The following WBP4 variants were observed in gnomAD, a reference collection of about 807,000 sequenced individuals.
WBP4 encodes WW domain binding protein 4.
A neutral mutation model predicts 55.4 loss-of-function variants in WBP4; 37 were observed. The ratio of observed to expected loss-of-function variants is 0.67; its 90% CI spans 0.51 to 0.88. WBP4 has a LOEUF of 0.88. Among genes scored for constraint, WBP4 ranks in the 40% least tolerant of loss-of-function variants. WBP4 has a pLI of 0.00. For missense variants in WBP4, 398 were observed against 420.8 expected (o/e 0.95, Z 0.47); for synonymous variants, 142 against 140.2 (o/e 1.01, Z -0.09).
chr13:41,062,289 G>T (rs895621214), intron 1 of WBP4: 2 of 984,814 alleles, frequency 2.0e-6, no homozygotes, highest in East Asian at 1.1e-4. Context: ...CAAACTTTAT[G>T]AGTTTCTTCA....
intron 9 of WBP4, among the ~76,000 whole-genome samples, chr13:41,081,983 A>C (rs1472205883): frequency 6.6e-6 from 1 of 152,128 alleles, no homozygotes; most frequent in Admixed American, 6.6e-5. Context: ...GATGTGACTA[A>C]TTTACTCTTT....
At chr13:41,063,841 C>G (rs1593423932) in intron 2 of WBP4, among the ~76,000 whole-genome samples, 1 of 152,112 alleles carries the variant, frequency 6.6e-6, no homozygotes, top group East Asian at 1.9e-4. Context: ...CAAAGTCACA[C>G]TTTAAAGATG....
At chr13:41,082,010 A>G (rs1451704456) in intron 9 of WBP4, among the ~76,000 whole-genome samples, 2 of 152,142 alleles carry the variant, frequency 1.3e-5, no homozygotes, top group African/African-American at 2.4e-5. Context: ...CCAGTTGACT[A>G]TCTAGGGAGT....
chr13:41,061,976 C>CG, intron 1 of WBP4: 1 of 915,424 alleles, frequency 1.1e-6, no homozygotes, highest in Non-Finnish European at 1.3e-6. Flanking sequence ...ACGACGCTGT[C>CG]GGGGGTCGCA....
At position 41,062,737 on chromosome 13, in the gene WBP4, G is replaced by A. The variant is rs770775567; in HGVS notation, c.75+21G>A. 13 of 1,592,476 alleles carry A rather than the reference G, an allele frequency of 8.2e-6. No individual in the cohort carries two copies. The East Asian group carries it at 2.9e-4, about 36-fold the overall frequency. ...GGCCTGTATGATAATTCCGCTGTTA[G>A]AGATTCTAATAATAATTGTGTTGAA... On this transcript the variant is annotated intron_variant, in intron 2 of 9. Transcript: ENST00000379487.
In WBP4 at chr13:41,083,187, T is replaced by C. The variant is rs538804739; in HGVS notation, c.*273T>C. The C allele has an allele frequency of 2.7e-5, 8 of 298,832 alleles. No individual in the cohort carries two copies. Among genetic ancestry groups the C allele is most frequent in the East Asian group, 6.2e-5 (1 of 16,122 alleles). The allele number at this position is 298,832 out of a possible 1,614,324, so 18.5% of individuals were successfully genotyped here. ...AATTTAAGATGCTATGTATCTGTTA[T>C]TTAAAACATGGAGAAACAGGGCCTT... On this transcript the variant is annotated 3_prime_UTR_variant, in exon 10 of 10. Transcript: ENST00000379487.
At chr13:41,075,399 T>G (rs1878435988) in intron 7 of WBP4, among the ~76,000 whole-genome samples, 1 of 152,186 alleles carries the variant, frequency 6.6e-6, no homozygotes, top group Non-Finnish European at 1.5e-5. Context: ...TTTTTTAAAT[T>G]GAGACAAGGT....
intron 8 of WBP4, 127 bp from the exon 9 acceptor site, chr13:41,080,519 A>G: frequency 1.5e-6 from 1 of 684,472 alleles, no homozygotes; most frequent in African/African-American, 1.8e-5. Flanking sequence ...TTATTGTGTT[A>G]TGTGCAGATT....
intron 9 of WBP4, among the ~76,000 whole-genome samples, chr13:41,082,186 CGCT>C (rs1566215769): frequency 6.6e-6 from 1 of 152,160 alleles, no homozygotes; most frequent in Non-Finnish European, 1.5e-5. Flanking sequence ...GATCTCGACT[CGCT>C]GCAACCTCTG....
At chr13:41,069,254 C>G (rs1226677463) in intron 5 of WBP4, among the ~76,000 whole-genome samples, 1 of 152,134 alleles carries the variant, frequency 6.6e-6, no homozygotes, top group Non-Finnish European at 1.5e-5. Context: ...TGGCCAGATG[C>G]AGTGGCTCAT....
At chr13:41,073,747 C>T (rs929715584) in intron 7 of WBP4, among the ~76,000 whole-genome samples, 1 of 151,938 alleles carries the variant, frequency 6.6e-6, no homozygotes, top group Non-Finnish European at 1.5e-5. Context: ...GTAGAGGTTG[C>T]AGTGAGCCAA....
chr13:41,082,734 T>C lies in WBP4; in HGVS notation c.951T>C (p.Thr317=). Residue 317 remains threonine (T), a synonymous_variant, in exon 10 of 10, where the codon ACT becomes ACC. Coordinates refer to ENST00000379487, the MANE Select transcript of WBP4 (RefSeq NM_007187.5). The stretch of plus-strand genomic sequence containing the variant: ...AGGTAGATTTGGAACTTCCAAGCAC[T>C]GAAAATGAGTATGTATCAACTTCAG... ...HEEVDLELPS[T]ENEYVSTSEA... 6.2e-7 allele frequency: 1 copy of C among 1,614,054 alleles called. No individual in the cohort carries two copies. Among genetic ancestry groups the C allele is most frequent in the Non-Finnish European group, 8.5e-7 (1 of 1,179,996 alleles).
chr13:41,063,531 C>T (rs993109473), intron 2 of WBP4, among the ~76,000 whole-genome samples: 4 of 151,858 alleles, frequency 2.6e-5, no homozygotes, highest in Non-Finnish European at 4.4e-5. Flanking sequence ...CACTATTTTA[C>T]CTAGGCTATC....
rs201610734 is a variant in WBP4 at position 41,065,194 on chromosome 13, G to T, written c.169G>T (p.Glu57Ter). 42 of 1,610,646 alleles carry T rather than the reference G, an allele frequency of 2.6e-5. No homozygotes were observed. The highest frequency in any genetic ancestry group is 1.7e-5 in the Admixed American group (1 of 59,616). The stretch of plus-strand genomic sequence containing the variant: ...ACAGAAAAGCCTGGATAAGGCAAAG[G>T]AAGAAGAAAAGGCATCAAAGGAGTT... Reference protein sequence around the residue: ...IKQKSLDKAKEEEKASKEFAA... With the variant: ...IKQKSLDKAK Residue 57 changes from glutamate to a stop codon, truncating the protein, a stop_gained, in exon 4 of 10, where the codon GAA becomes TAA. Transcript: ENST00000379487. LOFTEE classifies it high-confidence loss of function.
intron 7 of WBP4, among the ~76,000 whole-genome samples, chr13:41,075,604 CTCCTGAGTTCAAGCAA>C (rs1878445160): frequency 6.6e-6 from 1 of 152,150 alleles, no homozygotes; most frequent in Non-Finnish European, 1.5e-5. Flanking sequence ...TGGTCTCACA[CTCCTGAGTTCAAGCAA>C]TCCTCCTACC....
intron 1 of WBP4, 112 bp from the exon 2 acceptor site, chr13:41,062,532 C>T: frequency 1.1e-6 from 1 of 951,320 alleles, no homozygotes; most frequent in Non-Finnish European, 1.5e-6. Context: ...CATAACAAGA[C>T]AAGATTCAGT....
intron 1 of WBP4, chr13:41,062,201 A>G (rs1203906699): frequency 1.0e-6 from 1 of 967,772 alleles, no homozygotes; most frequent in South Asian, 4.8e-5. Flanking sequence ...GTTTTAACTG[A>G]GAGTCTGGGA....
In WBP4 at chr13:41,061,995, T is replaced by C. The variant is rs1007253061; in HGVS notation, c.2+320T>C. The C allele has an allele frequency of 7.2e-6, 7 of 966,162 alleles. No homozygotes were observed. In the African/African-American group the frequency reaches 1.2e-4, roughly 17 times the overall value. The allele number at this position is 966,162 out of a possible 1,614,324, so 59.8% of individuals were successfully genotyped here. On this transcript the variant is annotated intron_variant, in intron 1 of 9. Coordinates refer to ENST00000379487, the MANE Select transcript of WBP4 (RefSeq NM_007187.5). Reference sequence around the variant, plus strand: ...CGCTGTCGGGGGTCGCATGCACCCCTTGGGTTTCCGAAGCCCCTGAACCCT... The same window carrying C: ...CGCTGTCGGGGGTCGCATGCACCCCCTGGGTTTCCGAAGCCCCTGAACCCT...
Position 41,076,217 on chromosome 13 carries a change from A to G in WBP4, c.736A>G (p.Lys246Glu), listed in dbSNP as rs754171497. The change falls in exon 8 of 10, where the codon AAG (lysine) becomes GAG (glutamate). Residue 246 changes from lysine to glutamate, a missense_variant. Lys to Glu is a moderately conservative substitution (Grantham distance 56). Transcript: ENST00000379487. The stretch of plus-strand genomic sequence containing the variant: ...AGGAGGGGTCTCTACAGAGACAGAA[A>G]AGCCAAAAATAAAGTTTAAGGTAGG... ...EEGGVSTETE[K>E]PKIKFKEKNK... 5 of 1,587,208 alleles carry G rather than the reference A, an allele frequency of 3.2e-6. No homozygotes were observed. The East Asian group carries it at 1.1e-4, about 36-fold the overall frequency.
Sources: allele counts gnomAD v4.1 joint callset (sites outside exome capture counted in the v4.1 genomes callset), GRCh38; gene constraint gnomAD v4.1.1; transcripts MANE v1.5; gene names NCBI Gene and HGNC (gene_info 2026-07-23, HGNC 2026-07-21).